BCAS3: variants seen among roughly 807,000 people sequenced by gnomAD.
The protein encoded by BCAS3 is BCAS4/BCAS3 fusion.
In BCAS3, 53 loss-of-function variants were observed where a neutral mutation model predicts 116.1. The observed-to-expected ratio is 0.46, with a 90% CI of 0.37 to 0.57. BCAS3 has a LOEUF of 0.57. Ranked by LOEUF, BCAS3 falls within the 20% of genes least tolerant of loss-of-function variation. The pLI is 0.00. For synonymous variants in BCAS3, 391 were observed against 408.2 expected, an observed-to-expected ratio of 0.96 and a Z score of 0.51; for missense variants, 917 against 1,165.4, an observed-to-expected ratio of 0.79 and a Z score of 3.10.
intron 4 of BCAS3, among the ~76,000 whole-genome samples, chr17:60,705,060 T>C (rs904063671): frequency 4.6e-5 from 7 of 152,066 alleles, no homozygotes; most frequent in East Asian, 1.9e-4. Flanking sequence ...AGAACCCTGA[T>C]AGAACATCAG....
chr17:60,979,062 G>A (rs980766083), intron 14 of BCAS3, among the ~76,000 whole-genome samples: 6 of 143,242 alleles, frequency 4.2e-5, no homozygotes, highest in Middle Eastern at 3.4e-3. Context: ...AGCTTGATGG[G>A]GATGGCATTG....
At chr17:61,242,322 A>G (rs1768769955) in intron 22 of BCAS3, among the ~76,000 whole-genome samples, 1 of 151,994 alleles carries the variant, frequency 6.6e-6, no homozygotes, top group African/African-American at 2.4e-5. Flanking sequence ...CAGTGTAAAT[A>G]TCAGGGTCTG....
chr17:60,781,392 AG>A (rs2144490820), intron 6 of BCAS3, among the ~76,000 whole-genome samples: 1 of 151,672 alleles, frequency 6.6e-6, no homozygotes, highest in South Asian at 2.1e-4. Context: ...TGAGATTAGG[AG>A]TTTGAGACCA....
At chr17:60,875,632 G>A (rs1464178770) in intron 9 of BCAS3, among the ~76,000 whole-genome samples, 2 of 151,980 alleles carry the variant, frequency 1.3e-5, no homozygotes, top group Admixed American at 6.6e-5. Context: ...CAGAAAAAAT[G>A]TGTTTTTAGT....
Position 61,388,517 on chromosome 17 carries a change from C to T in BCAS3, c.2594-3460C>T, listed in dbSNP as rs998181241. On this transcript the variant is annotated intron_variant, in intron 23 of 23. Coordinates refer to ENST00000407086, the MANE Select transcript of BCAS3 (RefSeq NM_017679.5). The surrounding 1 kb of genome is among the most constrained non-coding windows in gnomAD (Gnocchi z 6.5). ...CCCCTCCTCACGGTGTGCCCCTGCG[C>T]CTCCTGACACCTCTCCACCTGCTTG... 144 of 1,147,564 alleles carry T rather than the reference C, an allele frequency of 1.3e-4. No individual in the cohort carries two copies. Among genetic ancestry groups the T allele is most frequent in the African/African-American group, 3.1e-5 (2 of 63,924 alleles). The allele number at this position is 1,147,564 out of a possible 1,614,324, so 71.1% of individuals were successfully genotyped here. A position where few individuals can be genotyped will look rare whatever the true frequency, so the allele number is the denominator to read the frequency against.
intron 22 of BCAS3, among the ~76,000 whole-genome samples, chr17:61,262,553 G>A (rs1222525670): frequency 6.6e-6 from 1 of 151,968 alleles, no homozygotes; most frequent in Non-Finnish European, 1.5e-5. Context: ...GCTAATTTTT[G>A]TATTGTTAGT....
At chr17:60,912,913 A>G (rs1007821568) in intron 12 of BCAS3, among the ~76,000 whole-genome samples, 4 of 152,098 alleles carry the variant, frequency 2.6e-5, no homozygotes, top group Non-Finnish European at 5.9e-5. Context: ...CAAAATAGAA[A>G]ATGTTATCTC....
intron 7 of BCAS3, among the ~76,000 whole-genome samples, chr17:60,819,099 T>A (rs1242149968): frequency 6.6e-6 from 1 of 152,224 alleles, no homozygotes; most frequent in African/African-American, 2.4e-5. Context: ...TTTTATAATA[T>A]GTCTTAAAAT....
intron 19 of BCAS3, among the ~76,000 whole-genome samples, chr17:61,053,287 A>G (rs1881518134): frequency 6.6e-6 from 1 of 152,218 alleles, no homozygotes; most frequent in African/African-American, 2.4e-5. Flanking sequence ...GAGACTAGAA[A>G]GAGCCAATAT....
intron 5 of BCAS3, among the ~76,000 whole-genome samples, chr17:60,735,398 C>G (rs1294209430): frequency 1.4e-5 from 2 of 147,204 alleles, no homozygotes; most frequent in Non-Finnish European, 2.9e-5. Context: ...CTTAGTGGAA[C>G]TGCTTTGAGT....
At chr17:60,891,624 T>C in intron 10 of BCAS3, 1 of 452,764 alleles carries the variant, frequency 2.2e-6, no homozygotes, top group African/African-American at 2.0e-5. Context: ...AAAATGCTCT[T>C]TGACTATAAA....
chr17:61,329,532 G>A (rs1334595092), intron 22 of BCAS3, among the ~76,000 whole-genome samples: 1 of 151,674 alleles, frequency 6.6e-6, no homozygotes, highest in African/African-American at 2.4e-5. Flanking sequence ...TAGTAGAGAC[G>A]GGGTTTCACC....
chr17:61,046,034 TTTATATATATATAATATATATA>T (rs2068223663), intron 19 of BCAS3, among the ~76,000 whole-genome samples: 3 of 12,328 alleles, frequency 2.4e-4, no homozygotes, highest in South Asian at 2.5e-3. Flanking sequence ...TATATATATA[TTTATATATATATAATATATATA>T]TTATATATAT....
chr17:61,038,092 A>T, intron 18 of BCAS3, 38 bp downstream of exon 18: 1 of 1,570,728 alleles, frequency 6.4e-7, no homozygotes, highest in Non-Finnish European at 8.7e-7. Flanking sequence ...TAACAGCTTC[A>T]TTAAGGTATA....
chr17:61,111,899 C>T (rs1346566985), intron 22 of BCAS3, among the ~76,000 whole-genome samples: 61 of 47,126 alleles, frequency 1.3e-3, no homozygotes, highest in East Asian at 4.1e-3. Context: ...CGGCAGAAAC[C>T]CTACAAGCCA....
At chr17:61,052,451 G>A (rs2068945401) in intron 19 of BCAS3, among the ~76,000 whole-genome samples, 1 of 151,970 alleles carries the variant, frequency 6.6e-6, no homozygotes, top group South Asian at 2.1e-4. Flanking sequence ...TGGAACCATA[G>A]GCAGCACGAC....
chr17:60,937,178 GACA>G (rs1188334538), intron 13 of BCAS3, among the ~76,000 whole-genome samples: 33 of 151,772 alleles, frequency 2.2e-4, no homozygotes, highest in African/African-American at 7.7e-4. Flanking sequence ...GTAGATATGC[GACA>G]TTATTTCTGA....
intron 22 of BCAS3, among the ~76,000 whole-genome samples, chr17:61,341,152 T>C (rs1268291952): frequency 2.0e-5 from 3 of 152,052 alleles, no homozygotes; most frequent in African/African-American, 4.8e-5. Flanking sequence ...GCTGAGGGCA[T>C]GGGGCGGGCA....
intron 5 of BCAS3, among the ~76,000 whole-genome samples, chr17:60,746,356 A>G (rs1468662407): frequency 6.6e-6 from 1 of 152,144 alleles, no homozygotes; most frequent in Non-Finnish European, 1.5e-5. Context: ...TCAGTGCTTC[A>G]ATGAGCAGTT....
Sources: gnomAD v4.1 joint callset for allele counts (sites outside exome capture counted in the v4.1 genomes callset) on GRCh38, gnomAD v4.1.1 for gene constraint, Gnocchi (gnomAD v3.1) non-coding constraint, MANE v1.5 for transcripts, NCBI Gene and HGNC (gene_info 2026-07-23, HGNC 2026-07-21) for gene names.